Variants in ADSL observed in about 807,000 individuals in gnomAD.
ADSL encodes adenylosuccinase.
Under a neutral mutation model 62.1 loss-of-function variants are expected in ADSL, and 44 were observed. The observed-to-expected ratio is 0.71, with a 90% CI of 0.56 to 0.91. The LOEUF is 0.91. ADSL is among the 40% of genes least tolerant of loss of function. The probability of loss-of-function intolerance (pLI) is 0.00; values close to 1 mark genes in which losing one functional copy is unlikely to be tolerated. For synonymous variants in ADSL, 198 were observed against 220.5 expected, an observed-to-expected ratio of 0.90 and a Z score of 0.90; for missense variants, 531 against 627.4, an observed-to-expected ratio of 0.85 and a Z score of 1.64.
chr22:40,360,990 C>T (rs140959148), intron 7 of ADSL: 50 of 459,482 alleles, frequency 1.1e-4, no homozygotes, highest in African/African-American at 6.9e-4. Context: ...TGTGAGCCAC[C>T]GCGCCCATCC....
At chr22:40,355,448 G>A (rs1370428147) in intron 4 of ADSL, among the ~76,000 whole-genome samples, 2 of 152,134 alleles carry the variant, frequency 1.3e-5, no homozygotes, top group Non-Finnish European at 2.9e-5. Context: ...GTGAGCCACC[G>A]CGCCCGGCCT....
intron 3 of ADSL, chr22:40,353,484 A>C: frequency 2.9e-6 from 2 of 692,232 alleles, no homozygotes; most frequent in Non-Finnish European, 5.3e-6. Context: ...GGTTTTTGCC[A>C]TGTTGCCCAG....
chr22:40,364,141 G>C (rs921905069), intron 10 of ADSL, 135 bp from the exon 11 acceptor site: 1 of 738,768 alleles, frequency 1.4e-6, no homozygotes, highest in Non-Finnish European at 2.4e-6. Flanking sequence ...ACATCATATA[G>C]AATAAAACAA....
At chr22:40,363,484 C>G (rs931479510) in intron 10 of ADSL, among the ~76,000 whole-genome samples, 1 of 152,110 alleles carries the variant, frequency 6.6e-6, no homozygotes, top group Non-Finnish European at 1.5e-5. Flanking sequence ...GCCTGTAATT[C>G]CAGCACTTTG....
rs1176336699 is a variant in ADSL, at chr22:40,378,511, T to G, written c.90-11719T>G. Among the ~76,000 whole-genome samples the G allele has an allele frequency of 9.2e-5, 14 of 151,820 alleles. No individual in the cohort carries two copies. In the East Asian group the frequency reaches 1.9e-3, roughly 21 times the overall value. ...TGGGAGGCTAAGGCGGGCAGATCAC[T>G]TGAAGGTGGGAGTTCGAGACCAACC... On this transcript the variant is annotated intron_variant, in intron 2 of 2. Transcript: ENST00000498234.
chr22:40,382,137 A>C (rs2047672891), intron 2 of ADSL, among the ~76,000 whole-genome samples: 1 of 152,120 alleles, frequency 6.6e-6, no homozygotes, highest in African/African-American at 2.4e-5. Flanking sequence ...CTGCCATGTG[A>C]GGTCAGGATA....
At position 40,346,594 on chromosome 22, in the gene ADSL, C is replaced by A. The variant is rs773098808; in HGVS notation, c.36C>A (p.Ser12Arg). ...AAGGDHGSPDSYRSPLASRYA... is the reference protein window; with the variant it reads ...AAGGDHGSPDRYRSPLASRYA... ...GAGGCGATCATGGTTCGCCCGACAG[C>A]TACCGCTCACCTCTTGCCTCCCGCT... Residue 12 changes from serine to arginine, a missense_variant, in exon 1 of 13, where the codon AGC becomes AGA. Physicochemically the swap from Ser to Arg is moderately radical, Grantham distance 110. This residue lies in a region of ADSL where 60 missense variants were observed against 34.5 expected (regional missense o/e 1.74). Transcript: ENST00000623063. 6 of 1,607,288 alleles carry A rather than the reference C, an allele frequency of 3.7e-6. No homozygotes were observed. The South Asian group carries it at 6.7e-5, about 18-fold the overall frequency.
intron 2 of ADSL, chr22:40,351,782 T>G (rs891412679): frequency 2.6e-5 from 4 of 152,180 alleles, no homozygotes; most frequent in Admixed American, 2.0e-4. Flanking sequence ...GCCTTCCAAG[T>G]AGCTAGGACT....
intron 4 of ADSL, among the ~76,000 whole-genome samples, chr22:40,354,800 C>T (rs1014848933): frequency 2.0e-5 from 3 of 149,246 alleles, no homozygotes; most frequent in South Asian, 2.1e-4. Context: ...ACCCGGGACG[C>T]GGAGGTTGCA....
At chr22:40,364,624 A>G (rs2044929594) in intron 11 of ADSL, 1 of 627,120 alleles carries the variant, frequency 1.6e-6, no homozygotes. Flanking sequence ...GGAAATGAGC[A>G]GGAAACGAGC....
chr22:40,372,302 A>G (rs112923878), downstream of ADSL, among the ~76,000 whole-genome samples: 4 of 151,364 alleles, frequency 2.6e-5, no homozygotes, highest in African/African-American at 7.3e-5. Context: ...AATTTTTTGT[A>G]TTTTTAGTAG....
intron 2 of ADSL, 26 bp from the exon 3 acceptor site, chr22:40,353,047 T>C (rs781062539): frequency 3.7e-6 from 6 of 1,606,420 alleles, no homozygotes; most frequent in African/African-American, 1.3e-5. Context: ...CTGCTAAATA[T>C]AAGATCATTG....
Position 40,354,234 on chromosome 22 carries a change from G to C in ADSL, c.403-14G>C. The C allele has an allele frequency of 6.2e-7, 1 of 1,612,906 alleles. No individual in the cohort carries two copies. The highest frequency in any genetic ancestry group is 8.5e-7 in the Non-Finnish European group (1 of 1,178,918). Reference sequence around the variant, plus strand: ...TGAATTCAACCTCTTTCTATCACATGATCTTTCTTGTAGCTTGCCAGAGTG... The same window carrying C: ...TGAATTCAACCTCTTTCTATCACATCATCTTTCTTGTAGCTTGCCAGAGTG... On this transcript the variant is annotated splice_polypyrimidine_tract_variant and intron_variant, in intron 3 of 12. Coordinates refer to ENST00000623063, the MANE Select transcript of ADSL (RefSeq NM_000026.4).
At chr22:40,353,657 G>T (rs758484870) in intron 3 of ADSL, among the ~76,000 whole-genome samples, 15 of 120,866 alleles carry the variant, frequency 1.2e-4, no homozygotes, top group Non-Finnish European at 2.4e-4. Flanking sequence ...ATGGAGTCTC[G>T]CTCAGTTACC....
intron 2 of ADSL, chr22:40,387,357 C>T (rs888762830): frequency 2.5e-6 from 1 of 393,996 alleles, no homozygotes; most frequent in African/African-American, 2.1e-5. Context: ...GCAAATGAAA[C>T]ATTTCCGGTA....
In ADSL at chr22:40,361,358, A is replaced by G; in HGVS notation, c.862+16A>G. On this transcript the variant is annotated intron_variant, in intron 8 of 12. Coordinates refer to ENST00000623063, the MANE Select transcript of ADSL (RefSeq NM_000026.4). Reference sequence around the variant, plus strand: ...CAGCAGATTGGTGAGTGCTGTGTAGAGACCTGTGAGCACACATTGCTGCTG... The same window carrying G: ...CAGCAGATTGGTGAGTGCTGTGTAGGGACCTGTGAGCACACATTGCTGCTG... 6.2e-7 allele frequency: 1 copy of G among 1,613,826 alleles called. No individual in the cohort carries two copies. Among genetic ancestry groups the G allele is most frequent in the Non-Finnish European group, 8.5e-7 (1 of 1,179,694 alleles).
chr22:40,349,364 A>G (rs927922864), intron 1 of ADSL, among the ~76,000 whole-genome samples: 2 of 146,986 alleles, frequency 1.4e-5, no homozygotes, highest in Non-Finnish European at 3.0e-5. Flanking sequence ...TGTTTTATTT[A>G]TTGGAGCTTT....
intron 9 of ADSL, among the ~76,000 whole-genome samples, chr22:40,362,234 G>A (rs913947303): frequency 6.6e-6 from 1 of 152,174 alleles, no homozygotes; most frequent in Admixed American, 6.6e-5. Context: ...AAGCAGATTG[G>A]CATTACTCTC....
At chr22:40,355,214 C>G (rs2044507099) in intron 4 of ADSL, among the ~76,000 whole-genome samples, 1 of 152,124 alleles carries the variant, frequency 6.6e-6, no homozygotes. Flanking sequence ...TTGGCTCACT[C>G]TCACTACAAC....
Sources: gnomAD v4.1 joint callset for allele counts (sites outside exome capture counted in the v4.1 genomes callset) on GRCh38, gnomAD v4.1.1 for gene constraint, gnomAD v4.1.1 regional missense constraint, MANE v1.5 for transcripts, NCBI Gene and HGNC (gene_info 2026-07-23, HGNC 2026-07-21) for gene names.